The following FBXO32 variants were observed in gnomAD, a reference collection of about 807,000 sequenced individuals.
The protein encoded by FBXO32 is F-box protein 32, also known as F-box only protein 32.
A neutral mutation model predicts 48.3 loss-of-function variants in FBXO32; 15 were observed. That is an observed-to-expected ratio of 0.31 (90% CI 0.21 to 0.48). The LOEUF (loss-of-function observed/expected upper bound fraction) is 0.48, where lower values mean the gene tolerates loss of function less well. FBXO32 is among the 20% of genes least tolerant of loss of function. The pLI, the probability that FBXO32 is intolerant of heterozygous loss-of-function variation, is 0.99. For missense variants in FBXO32, 309 were observed against 432.7 expected, an observed-to-expected ratio of 0.71 and a Z score of 2.54; for synonymous variants, 154 against 165.9, an observed-to-expected ratio of 0.93 and a Z score of 0.55.
intron 4 of FBXO32, among the ~76,000 whole-genome samples, chr8:123,517,302 C>A (rs1816858593): frequency 6.6e-6 from 1 of 152,184 alleles, no homozygotes; most frequent in Non-Finnish European, 1.5e-5. Context: ...ATCACAAGGA[C>A]AAGTAAACTC....
chr8:123,504,703 C>G lies in FBXO32; in HGVS notation c.879G>C (p.Trp293Cys). The G allele has an allele frequency of 6.2e-7, 1 of 1,614,086 alleles. No homozygotes were observed. Among genetic ancestry groups the G allele is most frequent in the South Asian group, 1.1e-5 (1 of 91,062 alleles). ...GGACAAGTTTGAAATACATCTTCTT[C>G]CAATCCAGCTGCCCTTTGTCTGACA... ...LILSDKGQLD[W>C]KKMYFKLVRC... The change falls in exon 8 of 9, where the codon TGG becomes TGC. Residue 293 changes from tryptophan to cysteine, a missense_variant. Trp to Cys is a radical substitution (Grantham distance 215). Transcript: ENST00000517956.
chr8:123,512,130 C>G (rs1816746726), intron 6 of FBXO32, among the ~76,000 whole-genome samples: 2 of 152,154 alleles, frequency 1.3e-5, no homozygotes, highest in Non-Finnish European at 2.9e-5. Flanking sequence ...TGAAAGATGA[C>G]TTGCATCCGT....
intron 4 of FBXO32, among the ~76,000 whole-genome samples, chr8:123,516,622 C>T (rs1382209809): frequency 2.0e-5 from 3 of 152,160 alleles, no homozygotes; most frequent in Admixed American, 1.3e-4. Flanking sequence ...TGTTTGTCCC[C>T]GTGGAGCTCT....
chr8:123,504,532 C>A, intron 8 of FBXO32, 72 bp downstream of exon 8: 1 of 1,468,494 alleles, frequency 6.8e-7, no homozygotes. Flanking sequence ...CTGGCCTCAC[C>A]ATGCTGGCTG....
intron 4 of FBXO32, among the ~76,000 whole-genome samples, chr8:123,530,283 A>G (rs1817173294): frequency 1.3e-5 from 2 of 152,188 alleles, no homozygotes; most frequent in African/African-American, 4.8e-5. Context: ...TGACAGGTGA[A>G]GGATCCAGGC....
At chr8:123,538,982 T>A (rs1386360646) in intron 1 of FBXO32, among the ~76,000 whole-genome samples, 2 of 152,262 alleles carry the variant, frequency 1.3e-5, no homozygotes. Flanking sequence ...GATGCCGGTA[T>A]AGGGTATTTT....
intron 6 of FBXO32, among the ~76,000 whole-genome samples, chr8:123,510,144 T>A (rs1352528165): frequency 2.6e-5 from 4 of 152,240 alleles, no homozygotes; most frequent in Non-Finnish European, 4.4e-5. Flanking sequence ...GAGCCAGCCC[T>A]TAATAATAAC....
At chr8:123,528,855 C>A (rs1490431187) in intron 4 of FBXO32, among the ~76,000 whole-genome samples, 1 of 151,868 alleles carries the variant, frequency 6.6e-6, no homozygotes, top group African/African-American at 2.4e-5. Flanking sequence ...GTTTTTTTCC[C>A]AAATGGCCCT....
intron 4 of FBXO32, among the ~76,000 whole-genome samples, chr8:123,530,986 T>TC (rs1336412567): frequency 6.8e-6 from 1 of 146,380 alleles, no homozygotes; most frequent in Non-Finnish European, 1.5e-5. Flanking sequence ...TTTTTTTTTT[T>TC]TTTTTTTTTT....
At chr8:123,536,805 T>C (rs1817317145) in intron 1 of FBXO32, among the ~76,000 whole-genome samples, 1 of 152,222 alleles carries the variant, frequency 6.6e-6, no homozygotes, top group African/African-American at 2.4e-5. Flanking sequence ...AGTTCAAATA[T>C]TTAGATTTCA....
chr8:123,523,076 T>C lies in FBXO32; in HGVS notation c.373-8743A>G, dbSNP rs1328766300. ...GAAGGAGGATGCCATCAATTACCGCTCCTTGCCATCAGAGACCTCTTCCTG... is the reference window on the plus strand; with the variant it reads ...GAAGGAGGATGCCATCAATTACCGCCCCTTGCCATCAGAGACCTCTTCCTG... On this transcript the variant is annotated intron_variant, in intron 4 of 8. Coordinates refer to ENST00000517956, the MANE Select transcript of FBXO32 (RefSeq NM_058229.4). Among the ~76,000 whole-genome samples, 5 of 152,162 alleles carry C rather than the reference T, an allele frequency of 3.3e-5. No individual in the cohort carries two copies. In the East Asian group the frequency reaches 7.7e-4, roughly 23 times the overall value.
At chr8:123,519,687 CAG>C (rs1260519259) in intron 4 of FBXO32, among the ~76,000 whole-genome samples, 3 of 152,080 alleles carry the variant, frequency 2.0e-5, no homozygotes, top group Non-Finnish European at 4.4e-5. Context: ...GGGTAAACCA[CAG>C]AGTCTACTTT....
At chr8:123,518,601 C>A (rs527396571) in intron 4 of FBXO32, among the ~76,000 whole-genome samples, 13 of 152,270 alleles carry the variant, frequency 8.5e-5, no homozygotes, top group African/African-American at 2.6e-4. Flanking sequence ...ATTTTGCTAA[C>A]AATAACAATA....
At position 123,499,896 on chromosome 8, in the gene FBXO32, A is replaced by G. The variant is rs1462463358; in HGVS notation, c.*3477T>C. ...TACCTTACTGCCCAAGTGCTAGTAG[A>G]ACCTGCTCTAGTGTTCAGAGTTTTG... On this transcript the variant is annotated 3_prime_UTR_variant, in exon 9 of 9. Transcript: ENST00000517956. 1 of 152,240 alleles carries G rather than the reference A, an allele frequency of 6.6e-6. No homozygotes were observed. Among genetic ancestry groups the G allele is most frequent in the Admixed American group, 6.5e-5 (1 of 15,280 alleles). The allele number at this position is 152,240 out of a possible 1,614,324, so 9.4% of individuals were successfully genotyped here.
intron 4 of FBXO32, among the ~76,000 whole-genome samples, chr8:123,530,732 A>G (rs1269377931): frequency 6.6e-6 from 1 of 151,790 alleles, no homozygotes; most frequent in Non-Finnish European, 1.5e-5. Flanking sequence ...CTCCTGCCTC[A>G]GCCTCCCGAG....
chr8:123,539,059 G>A lies in FBXO32; in HGVS notation c.116+1840C>T, dbSNP rs532225028. ...CTCGCTCTGTGGCCCAGGCTGGAGC[G>A]CAGTGGCACAGTCATGACTCGCTGC... is the stretch of plus-strand genomic sequence containing the variant. On this transcript the variant is annotated intron_variant, in intron 1 of 8. Transcript: ENST00000517956. Among the ~76,000 whole-genome samples the A allele has an allele frequency of 1.0e-3, 156 of 152,248 alleles. 1 individual carries two copies. Among genetic ancestry groups the A allele is most frequent in the Non-Finnish European group, 2.0e-3 (135 of 68,020 alleles).
intron 4 of FBXO32, 112 bp from the exon 5 acceptor site, chr8:123,514,445 AT>A: frequency 1.5e-6 from 1 of 669,804 alleles, no homozygotes; most frequent in South Asian, 2.7e-5. Context: ...GGAGAGATAA[AT>A]GGCAGGCAGG....
chr8:123,541,121 C>G lies in FBXO32; in HGVS notation c.-107G>C. The G allele has an allele frequency of 1.8e-6, 1 of 541,980 alleles. No homozygotes were observed. Among genetic ancestry groups the G allele is most frequent in the Non-Finnish European group, 2.9e-6 (1 of 349,598 alleles). The allele number at this position is 541,980 out of a possible 1,614,324, so 33.6% of individuals were successfully genotyped here. A position where few individuals can be genotyped will look rare whatever the true frequency, so the allele number is the denominator to read the frequency against. ...GGGGTGCAGGGGCCCGCGACGGGGG[C>G]GGCGGGGCGGCGGGAACGGCGCGGG... On this transcript the variant is annotated 5_prime_UTR_variant, in exon 1 of 9. Coordinates refer to ENST00000517956, the MANE Select transcript of FBXO32 (RefSeq NM_058229.4).
intron 2 of FBXO32, among the ~76,000 whole-genome samples, chr8:123,533,582 C>T (rs936311433): frequency 1.3e-5 from 2 of 152,056 alleles, no homozygotes; most frequent in Middle Eastern, 3.2e-3. Flanking sequence ...TTGAGGCAGG[C>T]GGATCACTAG....
Sources: gnomAD v4.1 joint callset for allele counts (sites outside exome capture counted in the v4.1 genomes callset) on GRCh38, gnomAD v4.1.1 for gene constraint, MANE v1.5 for transcripts, NCBI Gene and HGNC (gene_info 2026-07-23, HGNC 2026-07-21) for gene names.